Variants in FANCA observed in about 807,000 individuals in gnomAD.
The protein encoded by FANCA is Fanconi anemia group A protein.
A neutral mutation model predicts 194.3 loss-of-function variants in FANCA; 236 were observed. The observed-to-expected ratio is 1.21, with a 90% CI of 1.09 to 1.35. FANCA has a LOEUF of 1.35. Ranked by LOEUF, FANCA falls within the 40% of genes most tolerant of loss-of-function variation. The pLI, the probability that FANCA is intolerant of heterozygous loss-of-function variation, is 0.00. For missense variants in FANCA, 2,628 were observed against 1,813.9 expected (o/e 1.45, Z -8.15); for synonymous variants, 1,014 against 715.8 (o/e 1.42, Z -6.65).
In FANCA at chr16:89,758,576, C is replaced by A; in HGVS notation, c.2981+1G>T. The A allele has an allele frequency of 6.2e-7, 1 of 1,613,460 alleles. No individual in the cohort carries two copies. Among genetic ancestry groups the A allele is most frequent in the East Asian group, 2.2e-5 (1 of 44,856 alleles). ...ACCCTAATACAGTGTGTGCTGCTAA[C>A]CTTTGGTGGAAATCCATCAGTGCGT... is the stretch of plus-strand genomic sequence containing the variant. On this transcript the variant is annotated splice_donor_variant, in intron 30 of 42. Transcript: ENST00000389301. LOFTEE classifies it high-confidence loss of function.
At chr16:89,792,253 G>C (rs1394751244) in intron 12 of FANCA, among the ~76,000 whole-genome samples, 185 bp from the exon 13 acceptor site, 1 of 152,132 alleles carries the variant, frequency 6.6e-6, no homozygotes, top group African/African-American at 2.4e-5. Flanking sequence ...CACCTGCTTG[G>C]AGAGAATTCT....
chr16:89,757,708 C>T (rs1032461933), intron 30 of FANCA, among the ~76,000 whole-genome samples: 2 of 152,146 alleles, frequency 1.3e-5, no homozygotes, highest in African/African-American at 2.4e-5. Flanking sequence ...AGGTACACTC[C>T]GTCCATCCTT....
At chr16:89,759,326 A>T (rs1048887619) in intron 29 of FANCA, among the ~76,000 whole-genome samples, 25 of 122,420 alleles carry the variant, frequency 2.0e-4, no homozygotes, top group South Asian at 7.1e-4. Context: ...TCTAAAAAAA[A>T]AAAAAAAAAA....
At chr16:89,753,106 C>T (rs1039317942) in intron 30 of FANCA, among the ~76,000 whole-genome samples, 3 of 152,198 alleles carry the variant, frequency 2.0e-5, no homozygotes, top group Non-Finnish European at 4.4e-5. Flanking sequence ...TACTAATAGT[C>T]CCTGATATGC....
chr16:89,815,762 G>A, intron 2 of FANCA, 115 bp downstream of exon 2: 2 of 868,288 alleles, frequency 2.3e-6, no homozygotes. Flanking sequence ...CCCCTCTGCG[G>A]GCCAGGCCAC....
At chr16:89,762,261 C>T (rs6500441) in intron 28 of FANCA, among the ~76,000 whole-genome samples, 13 of 152,002 alleles carry the variant, frequency 8.6e-5, no homozygotes, top group Non-Finnish European at 1.6e-4. Flanking sequence ...AAGTATAAAA[C>T]GGCTATTTTA....
Position 89,785,042 on chromosome 16 carries a change from A to G in FANCA, c.1360-78T>C, listed in dbSNP as rs1655490689. On this transcript the variant is annotated intron_variant, in intron 14 of 42. Coordinates refer to ENST00000389301, the MANE Select transcript of FANCA (RefSeq NM_000135.4). The stretch of plus-strand genomic sequence containing the variant: ...CCTAGGCAGTGTCCTGTGTGGAGAG[A>G]AGAGCGTGAAGCCCAGGACAGCCAG... The G allele has an allele frequency of 8.9e-6, 9 of 1,015,380 alleles. No homozygotes were observed. In the South Asian group the frequency reaches 1.2e-4, roughly 13 times the overall value. 62.9% of individuals were successfully genotyped at this position (1,015,380 alleles called of 1,614,324 possible).
chr16:89,768,318 G>C (rs2039199826), intron 26 of FANCA, among the ~76,000 whole-genome samples: 1 of 152,196 alleles, frequency 6.6e-6, no homozygotes, highest in Admixed American at 6.5e-5. Flanking sequence ...ATGAGGCAAT[G>C]GAGATGTCAA....
At chr16:89,741,518 G>T (rs977097909) in intron 37 of FANCA, among the ~76,000 whole-genome samples, 1 of 152,146 alleles carries the variant, frequency 6.6e-6, no homozygotes, top group African/African-American at 2.4e-5. Flanking sequence ...CTCTCTTGTG[G>T]GATGCTTGTT....
chr16:89,811,116 C>G, intron 3 of FANCA, 45 bp from the exon 4 acceptor site: 1 of 1,612,622 alleles, frequency 6.2e-7, no homozygotes, highest in Non-Finnish European at 8.5e-7. Flanking sequence ...ACACATGAGA[C>G]AAAATCTAAA....
In FANCA at chr16:89,771,806, C is replaced by G. The variant is rs752701423; in HGVS notation, c.2023G>C (p.Ala675Pro). ...CTTTCAGAAATCACTGCCACCTGTG[C>G]CGATATAACTGCGAAGGAAGAAACT... Reference protein sequence around the residue: ...TDPSQRDVISAQVAVISERLR... With the variant: ...TDPSQRDVISPQVAVISERLR... The change falls in exon 23 of 43, where the codon GCA (alanine) becomes CCA (proline). Residue 675 changes from alanine (A) to proline (P), a missense_variant. By Grantham distance (27) the Ala-to-Pro change is conservative (BLOSUM62 -1). Transcript: ENST00000389301. The G allele has an allele frequency of 6.2e-7, 1 of 1,613,862 alleles. No individual in the cohort carries two copies. Among genetic ancestry groups the G allele is most frequent in the Non-Finnish European group, 8.5e-7 (1 of 1,180,032 alleles).
At chr16:89,809,469 C>T (rs1003385633) in intron 5 of FANCA, among the ~76,000 whole-genome samples, 3 of 151,772 alleles carry the variant, frequency 2.0e-5, no homozygotes, top group Non-Finnish European at 4.4e-5. Flanking sequence ...AATCCCAGCA[C>T]TTGGGAGGCC....
intron 11 of FANCA, among the ~76,000 whole-genome samples, chr16:89,793,865 C>T (rs1203163453): frequency 6.6e-6 from 1 of 152,200 alleles, no homozygotes; most frequent in Non-Finnish European, 1.5e-5. Context: ...ATTCTCCTGC[C>T]TCAGCCTCCC....
intron 1 of FANCA, 198 bp downstream of exon 1, chr16:89,816,339 G>T (rs1221213673): frequency 7.0e-6 from 2 of 284,584 alleles, no homozygotes; most frequent in Admixed American, 1.1e-4. Context: ...GGCGGCTGGG[G>T]GCGTCCGCCC....
At chr16:89,810,651 A>G (rs1181055434) in intron 5 of FANCA, 56 bp downstream of exon 5, 1 of 1,146,044 alleles carries the variant, frequency 8.7e-7, no homozygotes, top group Non-Finnish European at 1.3e-6. Context: ...CTCCATCCAG[A>G]TCAACAGAAC....
rs1297337691 is a variant in FANCA at position 89,771,949 on chromosome 16, C to T, written c.2015-135G>A. On this transcript the variant is annotated intron_variant, in intron 22 of 42. Coordinates refer to ENST00000389301, the MANE Select transcript of FANCA (RefSeq NM_000135.4). ...ACTGCACACATCCCCCAGCCAGGTG[C>T]TGAACACCAGTGTTTGTTCGCCCCG... 1.1e-5 allele frequency: 12 copies of T among 1,049,424 alleles called. No individual in the cohort carries two copies. The East Asian group carries it at 2.8e-4, about 24-fold the overall frequency. The allele number at this position is 1,049,424 out of a possible 1,614,324, so 65.0% of individuals were successfully genotyped here.
chr16:89,779,315 C>G (rs2039622791), intron 18 of FANCA, among the ~76,000 whole-genome samples: 1 of 152,180 alleles, frequency 6.6e-6, no homozygotes, highest in Non-Finnish European at 1.5e-5. Flanking sequence ...AGCTAAATTT[C>G]AAAACCCTGG....
chr16:89,738,384 G>A lies in FANCA; in HGVS notation c.*217C>T, dbSNP rs1193486928. On this transcript the variant is annotated 3_prime_UTR_variant, in exon 43 of 43. Transcript: ENST00000389301. ...GTGCTGGAGGCGGGCTTGGTGTCCG[G>A]CTCAAGTAGCCTTCCTCTGCTCTGG... The A allele has an allele frequency of 7.1e-6, 10 of 1,403,828 alleles. No homozygotes were observed. Among genetic ancestry groups the A allele is most frequent in the Non-Finnish European group, 7.6e-6 (8 of 1,046,924 alleles). The allele number at this position is 1,403,828 out of a possible 1,614,324, so 87.0% of individuals were successfully genotyped here.
intron 30 of FANCA, among the ~76,000 whole-genome samples, chr16:89,757,912 C>G (rs2038818564): frequency 1.3e-5 from 2 of 152,154 alleles, no homozygotes; most frequent in Non-Finnish European, 2.9e-5. Flanking sequence ...GAGTCTTGCT[C>G]TGTCGCCCAG....
Sources: gnomAD v4.1 joint callset for allele counts (sites outside exome capture counted in the v4.1 genomes callset) on GRCh38, gnomAD v4.1.1 for gene constraint, MANE v1.5 for transcripts, NCBI Gene and HGNC (gene_info 2026-07-23, HGNC 2026-07-21) for gene names.